Variants in APPBP2 observed in about 807,000 individuals in gnomAD.
The protein encoded by APPBP2 is amyloid protein-binding protein 2.
APPBP2 carries 15 observed loss-of-function variants against 76.0 expected under a neutral mutation model. The observed-to-expected ratio is 0.20, with a 90% CI of 0.13 to 0.30. The LOEUF (loss-of-function observed/expected upper bound fraction) is 0.30. APPBP2 is among the 10% of genes least tolerant of loss of function. APPBP2 has a pLI of 1.00. For missense variants in APPBP2, 401 were observed against 687.2 expected, an observed-to-expected ratio of 0.58 and a Z score of 4.66; for synonymous variants, 222 against 242.2, an observed-to-expected ratio of 0.92 and a Z score of 0.77.
chr17:60,454,973 A>G (rs535732113), intron 10 of APPBP2, among the ~76,000 whole-genome samples: 3 of 152,312 alleles, frequency 2.0e-5, no homozygotes, highest in Non-Finnish European at 4.4e-5. Context: ...AGACATTTCA[A>G]TTTCAAAGCT....
chr17:60,458,735 A>T (rs917314331), intron 9 of APPBP2, among the ~76,000 whole-genome samples: 8 of 151,812 alleles, frequency 5.3e-5, no homozygotes, highest in African/African-American at 1.9e-4. Context: ...TATAAAGAAC[A>T]CATACTTTAC....
intron 1 of APPBP2, among the ~76,000 whole-genome samples, chr17:60,503,657 A>G (rs2090841215): frequency 6.8e-6 from 1 of 146,718 alleles, no homozygotes; most frequent in South Asian, 2.1e-4. Flanking sequence ...ATGTGCTGGG[A>G]TTATAGGTGT....
chr17:60,519,778 ATTTT>A (rs748167583), intron 1 of APPBP2, among the ~76,000 whole-genome samples: 341 of 117,848 alleles, frequency 2.9e-3, no homozygotes, highest in African/African-American at 0.012. Flanking sequence ...GCCAAATTTA[ATTTT>A]TTTTTTTTTT....
chr17:60,454,547 A>G, intron 10 of APPBP2, 55 bp from the exon 11 acceptor site: 1 of 1,153,100 alleles, frequency 8.7e-7, no homozygotes, highest in Middle Eastern at 2.2e-4. Flanking sequence ...CAAAGCTAGT[A>G]AGAACATCTA....
intron 1 of APPBP2, among the ~76,000 whole-genome samples, chr17:60,524,958 G>A (rs1347210170): frequency 6.6e-6 from 1 of 152,158 alleles, no homozygotes; most frequent in Non-Finnish European, 1.5e-5. Flanking sequence ...TCCACACTCT[G>A]AAAACACTGC....
At chr17:60,489,964 G>T (rs1440435130) in intron 3 of APPBP2, among the ~76,000 whole-genome samples, 1 of 152,180 alleles carries the variant, frequency 6.6e-6, no homozygotes, top group Admixed American at 6.5e-5. Context: ...GAACACAAGA[G>T]GCGGAAGTTG....
chr17:60,477,119 C>T (rs1341166821), intron 4 of APPBP2, among the ~76,000 whole-genome samples: 1 of 152,142 alleles, frequency 6.6e-6, no homozygotes, highest in Non-Finnish European at 1.5e-5. Flanking sequence ...TTTTTGACCT[C>T]CCCTCTTCTT....
intron 3 of APPBP2, among the ~76,000 whole-genome samples, chr17:60,480,230 G>A (rs546872933): frequency 5.9e-5 from 9 of 152,146 alleles, no homozygotes; most frequent in South Asian, 2.1e-4. Flanking sequence ...AAAGTAAGCC[G>A]GATGTGGTGG....
chr17:60,507,167 A>G (rs8070959), intron 1 of APPBP2, among the ~76,000 whole-genome samples: 12,467 of 152,148 alleles, frequency 0.082, 1,697 homozygotes, highest in African/African-American at 0.28. Context: ...CCCAAGTAGC[A>G]AAACAGTACC....
chr17:60,488,870 TGA>T (rs921969735), intron 3 of APPBP2, among the ~76,000 whole-genome samples: 8 of 152,222 alleles, frequency 5.3e-5, no homozygotes, highest in Admixed American at 3.9e-4. Context: ...TCACAAGTTT[TGA>T]GAGACTTTCT....
chr17:60,516,078 G>C lies in APPBP2; in HGVS notation c.138+9716C>G, dbSNP rs750230997. On this transcript the variant is annotated intron_variant, in intron 1 of 12. Coordinates refer to ENST00000083182, the MANE Select transcript of APPBP2 (RefSeq NM_006380.5). ...CTACTGGGGAAGCTGAGGCAGAACTGCTTGAACCCAGAAGGCAGAGGTTGC... is the reference window on the plus strand; with the variant it reads ...CTACTGGGGAAGCTGAGGCAGAACTCCTTGAACCCAGAAGGCAGAGGTTGC... Among the ~76,000 whole-genome samples the C allele has an allele frequency of 5.5e-4, 83 of 152,150 alleles. No homozygotes were observed. The Middle Eastern group carries it at 0.014, about 25-fold the overall frequency.
rs766732401 is a variant in APPBP2, at chr17:60,456,275, A to G, written c.1147+21T>C. 6.1e-6 allele frequency: 9 copies of G among 1,467,708 alleles called. No individual in the cohort carries two copies. In the South Asian group the frequency reaches 1.0e-4, roughly 17 times the overall value. The allele number at this position is 1,467,708 out of a possible 1,614,324, so 90.9% of individuals were successfully genotyped here. ...TATATCATCTATTTTAAAATATCTGAGACTAGATTACAAAGGATACCTTTC... is the reference window on the plus strand; with the variant it reads ...TATATCATCTATTTTAAAATATCTGGGACTAGATTACAAAGGATACCTTTC... On this transcript the variant is annotated intron_variant, in intron 10 of 12. Transcript: ENST00000083182.
rs553073453 is a variant in APPBP2, at chr17:60,525,506, T to C, written c.138+288A>G. On this transcript the variant is annotated intron_variant, in intron 1 of 12. Coordinates refer to ENST00000083182, the MANE Select transcript of APPBP2 (RefSeq NM_006380.5). Reference sequence around the variant, plus strand: ...AGGACTAGGTGGGACAGGGGCGCGATAGAGTAAGTCCACGCAAAAGGCCTA... The same window carrying C: ...AGGACTAGGTGGGACAGGGGCGCGACAGAGTAAGTCCACGCAAAAGGCCTA... Among the ~76,000 whole-genome samples the C allele has an allele frequency of 5.7e-4, 87 of 152,176 alleles. 1 individual carries two copies. The highest frequency in any genetic ancestry group is 2.0e-3 in the African/African-American group (81 of 41,502).
chr17:60,480,081 T>C (rs2143383367), intron 3 of APPBP2, among the ~76,000 whole-genome samples: 1 of 152,282 alleles, frequency 6.6e-6, no homozygotes, highest in African/African-American at 2.4e-5. Context: ...CAGGATTAGT[T>C]ACAATAACCA....
At chr17:60,474,180 T>A (rs985393114) in intron 4 of APPBP2, among the ~76,000 whole-genome samples, 10 of 151,820 alleles carry the variant, frequency 6.6e-5, no homozygotes, top group African/African-American at 2.2e-4. Flanking sequence ...TTTTTTTATT[T>A]TTTTTTTTTG....
Position 60,447,828 on chromosome 17 carries a change from T to G in APPBP2, c.1511A>C (p.Lys504Thr). 1 of 1,562,358 alleles carries G rather than the reference T, an allele frequency of 6.4e-7. No homozygotes were observed. The highest frequency in any genetic ancestry group is 2.3e-5 in the East Asian group (1 of 44,198). Reference protein sequence around the residue: ...LYLRSIAIGKKLFGEGYSGLE... With the variant: ...LYLRSIAIGKTLFGEGYSGLE... ...TCCACTGTAGCCCTCACCAAAAAGT[T>G]TCTTCCCTGTAACAAAAAAGAAAAA... is the stretch of plus-strand genomic sequence containing the variant. Residue 504 changes from lysine (K) to threonine (T), a missense_variant, in exon 13 of 13, where the codon AAA (lysine) becomes ACA (threonine). Lys to Thr is a moderately conservative substitution (Grantham distance 78). This residue lies in a region of APPBP2 where 130 missense variants were observed against 322.7 expected (regional missense o/e 0.40). Transcript: ENST00000083182.
chr17:60,478,613 A>C (rs2090607458), intron 4 of APPBP2, among the ~76,000 whole-genome samples: 1 of 152,232 alleles, frequency 6.6e-6, no homozygotes, highest in African/African-American at 2.4e-5. Context: ...ATGACAAAGC[A>C]AAAAGATATG....
chr17:60,519,778 ATT>A (rs748167583), intron 1 of APPBP2, among the ~76,000 whole-genome samples: 280 of 117,810 alleles, frequency 2.4e-3, no homozygotes, highest in African/African-American at 8.8e-3. Flanking sequence ...GCCAAATTTA[ATT>A]TTTTTTTTTT....
Position 60,515,064 on chromosome 17 carries a change from A to G in APPBP2, c.138+10730T>C, listed in dbSNP as rs181868177. ...AGTAATCCACCCACCTCGGCCTCCC[A>G]AAGTGCTGGGATTACAGGCATCAAC... On this transcript the variant is annotated intron_variant, in intron 1 of 12. Transcript: ENST00000083182. Among the ~76,000 whole-genome samples the G allele has an allele frequency of 4.6e-5, 7 of 151,832 alleles. No homozygotes were observed. The East Asian group carries it at 1.4e-3, about 29-fold the overall frequency.
Sources: allele counts gnomAD v4.1 joint callset (sites outside exome capture counted in the v4.1 genomes callset), GRCh38; gene constraint gnomAD v4.1.1; regional missense constraint gnomAD v4.1.1; transcripts MANE v1.5; gene names NCBI Gene and HGNC (gene_info 2026-07-23, HGNC 2026-07-21).